CTNNBIP1: variants seen among roughly 807,000 people sequenced by gnomAD.
CTNNBIP1 encodes the protein beta-catenin-interacting protein 1.
CTNNBIP1 carries 7 observed loss-of-function variants against 11.8 expected under a neutral mutation model. That is an observed-to-expected ratio of 0.60 (90% CI 0.34 to 1.12). The LOEUF (loss-of-function observed/expected upper bound fraction) is 1.12, where lower values mean the gene tolerates loss of function less well. CTNNBIP1 is among the 50% of genes most tolerant of loss of function. The pLI is 0.03. For synonymous variants in CTNNBIP1, 58 were observed against 43.9 expected (o/e 1.32, Z -1.26); for missense variants, 101 against 113.4 (o/e 0.89, Z 0.50).
rs528595905 is a variant in CTNNBIP1 at position 9,883,696 on chromosome 1, A to T, written c.-110+9T>A. 1 of 153,614 alleles carries T rather than the reference A, an allele frequency of 6.5e-6. No individual in the cohort carries two copies. The highest frequency in any genetic ancestry group is 6.5e-5 in the Admixed American group (1 of 15,318). 9.5% of individuals were successfully genotyped at this position (153,614 alleles called of 1,614,324 possible). A position where few individuals can be genotyped will look rare whatever the true frequency, so the allele number is the denominator to read the frequency against. ...CCTCCTCATGGTCCTCCTGGAACTCAGTACTCACCCAGTGCTGTCACCGTT... is the reference window on the plus strand; with the variant it reads ...CCTCCTCATGGTCCTCCTGGAACTCTGTACTCACCCAGTGCTGTCACCGTT... On this transcript the variant is annotated intron_variant, in intron 2 of 5. Coordinates refer to ENST00000377263, the MANE Select transcript of CTNNBIP1 (RefSeq NM_020248.3). This position sits in a 1 kb window ranked among gnomAD's most constrained non-coding sequence, Gnocchi z 5.6.
In CTNNBIP1 at chr1:9,872,334, T is replaced by C. The variant is rs571856068; in HGVS notation, c.-24-246A>G. On this transcript the variant is annotated intron_variant, in intron 3 of 5. Coordinates refer to ENST00000377263, the MANE Select transcript of CTNNBIP1 (RefSeq NM_020248.3). The surrounding 1 kb of genome is among the most constrained non-coding windows in gnomAD (Gnocchi z 4.0). ...AGGGCTGGCCTGCCTGCTGCCTCTG[T>C]GCATGAAGCTGCTGCGTCCAGGAAA... 9.2e-5 allele frequency among the ~76,000 whole-genome samples: 14 copies of C among 152,350 alleles called. 1 individual carries two copies. Among genetic ancestry groups the C allele is most frequent in the Non-Finnish European group, 1.6e-4 (11 of 68,032 alleles).
At chr1:9,900,281 A>G (rs974125841) in intron 1 of CTNNBIP1, among the ~76,000 whole-genome samples, 2 of 121,674 alleles carry the variant, frequency 1.6e-5, no homozygotes, top group African/African-American at 1.2e-4. Context: ...TGTGGTCCCA[A>G]CTACTTGGGA....
chr1:9,899,629 C>T (rs1393183428), intron 1 of CTNNBIP1, among the ~76,000 whole-genome samples: 1 of 151,566 alleles, frequency 6.6e-6, no homozygotes. Flanking sequence ...CATGGTGACG[C>T]ATGGCTGTAA....
Position 9,874,338 on chromosome 1 carries a change from C to G in CTNNBIP1, c.-24-2250G>C, listed in dbSNP as rs1023736872. Reference sequence around the variant, plus strand: ...GGTATGATCAGAACTCACTGCAGCCCTGAACTCCTGGGCTTAAGCGATCCT... The same window carrying G: ...GGTATGATCAGAACTCACTGCAGCCGTGAACTCCTGGGCTTAAGCGATCCT... On this transcript the variant is annotated intron_variant, in intron 3 of 5. Coordinates refer to ENST00000377263, the MANE Select transcript of CTNNBIP1 (RefSeq NM_020248.3). 3.3e-5 allele frequency among the ~76,000 whole-genome samples: 5 copies of G among 152,100 alleles called. No individual in the cohort carries two copies. In the East Asian group the frequency reaches 9.7e-4, roughly 30 times the overall value.
intron 1 of CTNNBIP1, among the ~76,000 whole-genome samples, chr1:9,895,588 C>T (rs773004555): frequency 1.7e-4 from 26 of 151,444 alleles, no homozygotes; most frequent in Non-Finnish European, 7.4e-5. Context: ...CTCCGCCTCC[C>T]GGGTTCAAGC....
chr1:9,871,506 A>AT lies in CTNNBIP1; in HGVS notation c.97-230dup, dbSNP rs892138922. ...CTTTGCCACTCAGACTGAATCTGAG[A>AT]TTAAGGTCTGTTCTAGTATAGGGCC... On this transcript the variant is annotated intron_variant, in intron 4 of 5. Transcript: ENST00000377263. This position sits in a 1 kb window ranked among gnomAD's most constrained non-coding sequence, Gnocchi z 5.2. Among the ~76,000 whole-genome samples, 17 of 151,020 alleles carry AT rather than the reference A, an allele frequency of 1.1e-4. No homozygotes were observed. In the South Asian group the frequency reaches 1.9e-3, roughly 17 times the overall value.
At chr1:9,868,236 G>A (rs888319506) in intron 5 of CTNNBIP1, among the ~76,000 whole-genome samples, 3 of 152,162 alleles carry the variant, frequency 2.0e-5, no homozygotes, top group African/African-American at 4.8e-5. Context: ...ATTCCGCAAC[G>A]ATTCCCTGGG....
At chr1:9,897,850 G>C (rs1451611124) in intron 1 of CTNNBIP1, among the ~76,000 whole-genome samples, 1 of 152,164 alleles carries the variant, frequency 6.6e-6, no homozygotes. Context: ...GCCGGATGCG[G>C]TGGCTCACGC....
chr1:9,905,589 A>ATTT (rs1215484495), intron 1 of CTNNBIP1, among the ~76,000 whole-genome samples: 3 of 143,342 alleles, frequency 2.1e-5, no homozygotes, highest in African/African-American at 7.7e-5. Flanking sequence ...TGCCCGGCTA[A>ATTT]TTTTTTTTTT....
chr1:9,864,673 C>T (rs983261535), intron 5 of CTNNBIP1, among the ~76,000 whole-genome samples: 10 of 152,186 alleles, frequency 6.6e-5, no homozygotes, highest in Admixed American at 4.6e-4. Context: ...GACAGTTCTG[C>T]GGGTGACTGG....
chr1:9,902,201 G>A (rs1570601656), intron 1 of CTNNBIP1, among the ~76,000 whole-genome samples: 1 of 152,110 alleles, frequency 6.6e-6, no homozygotes, highest in South Asian at 2.1e-4. Context: ...TGGAGAGCCC[G>A]CCTGCCACCA....
At chr1:9,869,362 G>A (rs564534600) in intron 5 of CTNNBIP1, among the ~76,000 whole-genome samples, 1 of 151,208 alleles carries the variant, frequency 6.6e-6, no homozygotes, top group Non-Finnish European at 1.5e-5. Context: ...GTTGTTGCTG[G>A]GGTTTTGTTT....
intron 1 of CTNNBIP1, among the ~76,000 whole-genome samples, chr1:9,903,316 G>A (rs1220576316): frequency 6.6e-6 from 1 of 152,064 alleles, no homozygotes; most frequent in Non-Finnish European, 1.5e-5. Flanking sequence ...CTGCCATTGG[G>A]GGTCCTCAAT....
intron 2 of CTNNBIP1, among the ~76,000 whole-genome samples, chr1:9,881,391 G>A (rs1639079257): frequency 7.5e-6 from 1 of 133,244 alleles, no homozygotes; most frequent in Non-Finnish European, 1.5e-5. Context: ...CCAGGCTGGA[G>A]TGTAATGGCA....
intron 5 of CTNNBIP1, among the ~76,000 whole-genome samples, chr1:9,852,756 T>C (rs926967015): frequency 2.3e-4 from 35 of 152,322 alleles, no homozygotes; most frequent in African/African-American, 8.4e-4. Context: ...GCAGTGATGG[T>C]GGCAGCCCGC....
chr1:9,871,324 C>G lies in CTNNBIP1; in HGVS notation c.97-47G>C. ...GTGAGGGGCAGCATGCACCTGTTCC[C>G]TGAAAGGCACCTGCACCCCTAGAGG... is the stretch of plus-strand genomic sequence containing the variant. On this transcript the variant is annotated intron_variant, in intron 4 of 5. Transcript: ENST00000377263. The surrounding 1 kb of genome is among the most constrained non-coding windows in gnomAD (Gnocchi z 5.2). 7.1e-7 allele frequency: 1 copy of G among 1,409,546 alleles called. No individual in the cohort carries two copies. Among genetic ancestry groups the G allele is most frequent in the Non-Finnish European group, 9.8e-7 (1 of 1,022,136 alleles). The allele number at this position is 1,409,546 out of a possible 1,614,324, so 87.3% of individuals were successfully genotyped here.
At chr1:9,909,647 G>A (rs970686969) in intron 1 of CTNNBIP1, among the ~76,000 whole-genome samples, 1 of 152,186 alleles carries the variant, frequency 6.6e-6, no homozygotes, top group Non-Finnish European at 1.5e-5. Context: ...AAGGCTCACC[G>A]GGGAGGGGTG....
chr1:9,894,905 A>ATTTTTTTTTTTT (rs1175181254), intron 1 of CTNNBIP1, among the ~76,000 whole-genome samples: 1 of 102,218 alleles, frequency 9.8e-6, no homozygotes, highest in African/African-American at 4.3e-5. Flanking sequence ...ATGCCTGGCT[A>ATTTTTTTTTTTT]TTTTTTTTTT....
intron 5 of CTNNBIP1, among the ~76,000 whole-genome samples, chr1:9,858,670 C>T (rs1265192151): frequency 6.6e-6 from 1 of 152,188 alleles, no homozygotes; most frequent in Non-Finnish European, 1.5e-5. Context: ...CCACAGAGCT[C>T]TATATTGAGC....
Sources: gnomAD v4.1 joint callset for allele counts (sites outside exome capture counted in the v4.1 genomes callset) on GRCh38, gnomAD v4.1.1 for gene constraint, Gnocchi (gnomAD v3.1) non-coding constraint, MANE v1.5 for transcripts, NCBI Gene and HGNC (gene_info 2026-07-23, HGNC 2026-07-21) for gene names.